The following KIF5A variants were observed in gnomAD, a reference collection of about 807,000 sequenced individuals.
KIF5A encodes kinesin heavy chain isoform 5A.
Under a neutral mutation model 141.3 loss-of-function variants are expected in KIF5A, and 35 were observed. That is an observed-to-expected ratio of 0.25 (90% CI 0.19 to 0.33). The LOEUF (loss-of-function observed/expected upper bound fraction) is 0.33, where lower values mean the gene tolerates loss of function less well. Ranked by LOEUF, KIF5A falls within the 10% of genes least tolerant of loss-of-function variation. The pLI is 1.00. For synonymous variants in KIF5A, 448 were observed against 500.2 expected, an observed-to-expected ratio of 0.90 and a Z score of 1.39; for missense variants, 861 against 1,314.3, an observed-to-expected ratio of 0.66 and a Z score of 5.33.
chr12:57,561,136 C>T (rs1447532963), intron 1 of KIF5A, among the ~76,000 whole-genome samples: 1 of 152,096 alleles, frequency 6.6e-6, no homozygotes, highest in East Asian at 1.9e-4. Context: ...GCCTTTTGAG[C>T]TCAGGTAATT....
intron 8 of KIF5A, among the ~76,000 whole-genome samples, chr12:57,568,586 G>C (rs1023609461): frequency 3.3e-5 from 5 of 152,104 alleles, no homozygotes; most frequent in Non-Finnish European, 5.9e-5. Flanking sequence ...TTAGCTGGGC[G>C]TGGTGGCACA....
chr12:57,568,211 T>C (rs972119044), intron 8 of KIF5A, among the ~76,000 whole-genome samples: 1 of 152,124 alleles, frequency 6.6e-6, no homozygotes, highest in Non-Finnish European at 1.5e-5. Flanking sequence ...ATGATTTGCA[T>C]TGGGATATAA....
rs186999261 is a variant in KIF5A at position 57,574,507 on chromosome 12, C to T, written c.1717-577C>T. 1.1e-3 allele frequency among the ~76,000 whole-genome samples: 173 copies of T among 151,386 alleles called. 1 individual carries two copies. The highest frequency in any genetic ancestry group is 4.1e-3 in the African/African-American group (168 of 41,246). On this transcript the variant is annotated intron_variant, in intron 15 of 28. Coordinates refer to ENST00000455537, the MANE Select transcript of KIF5A (RefSeq NM_004984.4). ...CAGGCTGGTCTCGAACTCCTGACCTCGTAGTCCACCCACCTCGGCCTCCCA... is the reference window on the plus strand; with the variant it reads ...CAGGCTGGTCTCGAACTCCTGACCTTGTAGTCCACCCACCTCGGCCTCCCA...
At chr12:57,578,371 AT>A (rs1882494501) in intron 23 of KIF5A, 29 bp downstream of exon 23, 1 of 1,505,496 alleles carries the variant, frequency 6.6e-7, no homozygotes, top group African/African-American at 1.4e-5. Flanking sequence ...AGTGAAGAGA[AT>A]TTTTGAGGCC....
Position 57,567,275 on chromosome 12 carries a change from G to A in KIF5A, c.589+62G>A, listed in dbSNP as rs1475288674. On this transcript the variant is annotated intron_variant, in intron 7 of 28. Coordinates refer to ENST00000455537, the MANE Select transcript of KIF5A (RefSeq NM_004984.4). ...GATCCACTTGTGTTCTGTGTCCTCT[G>A]GGGTGGAGGGACTCAAAAGTGAGCA... 9 of 1,408,202 alleles carry A rather than the reference G, an allele frequency of 6.4e-6. No individual in the cohort carries two copies. The East Asian group carries it at 1.6e-4, about 25-fold the overall frequency. The allele number at this position is 1,408,202 out of a possible 1,614,324, so 87.2% of individuals were successfully genotyped here. A position where few individuals can be genotyped will look rare whatever the true frequency, so the allele number is the denominator to read the frequency against.
At position 57,572,052 on chromosome 12, in the gene KIF5A, C is replaced by T; in HGVS notation, c.1363-9C>T. 6.2e-7 allele frequency: 1 copy of T among 1,611,874 alleles called. No individual in the cohort carries two copies. Among genetic ancestry groups the T allele is most frequent in the South Asian group, 1.1e-5 (1 of 90,858 alleles). On this transcript the variant is annotated splice_polypyrimidine_tract_variant and intron_variant, in intron 13 of 28. Coordinates refer to ENST00000455537, the MANE Select transcript of KIF5A (RefSeq NM_004984.4). The surrounding 1 kb of genome is among the most constrained non-coding windows in gnomAD (Gnocchi z 4.2). The stretch of plus-strand genomic sequence containing the variant: ...GATCTTTCCCACATGCCACTCCTCT[C>T]CCTTGAAGCTGCTGGTGTCCACCCG...
At chr12:57,569,849 C>A in intron 11 of KIF5A, 138 bp from the exon 12 acceptor site, 1 of 1,358,156 alleles carries the variant, frequency 7.4e-7, no homozygotes. Context: ...AGGGGCCTGA[C>A]TACCTACCTC....
rs1251461982 is a variant in KIF5A at position 57,569,468 on chromosome 12, C to G, written c.968+64C>G. On this transcript the variant is annotated intron_variant, in intron 10 of 28. Coordinates refer to ENST00000455537, the MANE Select transcript of KIF5A (RefSeq NM_004984.4). ...GCTTCCCATCCCAGCCTCTGCGGCT[C>G]TCTCTCCTCAGGGTCACCCAAGTCT... 9 of 1,613,460 alleles carry G rather than the reference C, an allele frequency of 5.6e-6. No homozygotes were observed. The African/African-American group carries it at 8.0e-5, about 14-fold the overall frequency.
intron 1 of KIF5A, among the ~76,000 whole-genome samples, chr12:57,551,573 G>A (rs909852720): frequency 4.6e-5 from 7 of 152,292 alleles, no homozygotes; most frequent in Non-Finnish European, 7.4e-5. Context: ...GGGCTTGAGG[G>A]GTGCTGGGCC....
intron 18 of KIF5A, 23 bp downstream of exon 18, chr12:57,576,174 A>C: frequency 6.2e-7 from 1 of 1,612,484 alleles, no homozygotes; most frequent in African/African-American, 1.3e-5. Context: ...GGTGTCAGGG[A>C]CAATTGGGGC....
chr12:57,564,171 C>T lies in KIF5A; in HGVS notation c.355C>T (p.His119Tyr), dbSNP rs1332933023. 1 of 1,613,912 alleles carries T rather than the reference C, an allele frequency of 6.2e-7. No individual in the cohort carries two copies. Among genetic ancestry groups the T allele is most frequent in the Non-Finnish European group, 8.5e-7 (1 of 1,179,790 alleles). ...TCGAATTGCCCGAGACATCTTCAAC[C>T]ACATCTACTCCATGGATGAGAACCT... ...IPRIARDIFN[H>Y]IYSMDENLEF... is the part of the protein sequence containing the mutation. The change falls in exon 4 of 29, where the codon CAC becomes TAC. Residue 119 changes from histidine to tyrosine, a missense_variant. By Grantham distance (83) the His-to-Tyr change is moderately conservative. Transcript: ENST00000455537.
intron 1 of KIF5A, among the ~76,000 whole-genome samples, chr12:57,552,037 C>T (rs1418481506): frequency 1.3e-5 from 2 of 152,196 alleles, no homozygotes; most frequent in Non-Finnish European, 2.9e-5. Context: ...CACAAAACAA[C>T]TCCTGGATCA....
chr12:57,554,866 G>T (rs1371770309), intron 1 of KIF5A, among the ~76,000 whole-genome samples: 9 of 152,160 alleles, frequency 5.9e-5, no homozygotes, highest in Non-Finnish European at 8.8e-5. Flanking sequence ...TCATTACCAT[G>T]GGGAAGGCAC....
chr12:57,571,174 G>A (rs922385449), intron 12 of KIF5A, 147 bp from the exon 13 acceptor site: 62 of 676,484 alleles, frequency 9.2e-5, no homozygotes, highest in Admixed American at 2.9e-4. Context: ...GGCTTCAACC[G>A]ATCTTCCTGT....
At chr12:57,582,710 G>A in intron 27 of KIF5A, 81 bp downstream of exon 27, 1 of 1,165,976 alleles carries the variant, frequency 8.6e-7, no homozygotes, top group Non-Finnish European at 1.3e-6. Flanking sequence ...CCCACTTGGA[G>A]GTTCCTGGAG....
intron 11 of KIF5A, 150 bp from the exon 12 acceptor site, chr12:57,569,837 G>A: frequency 7.2e-7 from 1 of 1,384,700 alleles, no homozygotes; most frequent in Non-Finnish European, 9.8e-7. Context: ...ATGGGGGAAG[G>A]GAGGGGCCTG....
chr12:57,581,099 G>T lies in KIF5A; in HGVS notation c.2682G>T (p.Gln894His). The T allele has an allele frequency of 6.2e-7, 1 of 1,614,180 alleles. No individual in the cohort carries two copies. Among genetic ancestry groups the T allele is most frequent in the Non-Finnish European group, 8.5e-7 (1 of 1,180,026 alleles). Reference sequence around the variant, plus strand: ...CCATGAAGGACAAGCGCCGGTACCAGCAGGAGGTGGACCGCATCAAGGAGG... The same window carrying T: ...CCATGAAGGACAAGCGCCGGTACCATCAGGAGGTGGACCGCATCAAGGAGG... ...EGAMKDKRRY[Q>H]QEVDRIKEAV... The change falls in exon 24 of 29, where the codon CAG becomes CAT. Residue 894 changes from glutamine to histidine, a missense_variant. Around this residue, in one of 5 missense-constraint regions of KIF5A, gnomAD observed 482 missense variants for 661.3 expected, o/e 0.73. Transcript: ENST00000455537.
intron 1 of KIF5A, among the ~76,000 whole-genome samples, chr12:57,560,430 A>T (rs1265572234): frequency 1.3e-5 from 2 of 152,274 alleles, no homozygotes; most frequent in East Asian, 3.9e-4. Flanking sequence ...AAGGCTTTTG[A>T]TTATGCATTT....
At chr12:57,551,501 C>G (rs1453389183) in intron 1 of KIF5A, among the ~76,000 whole-genome samples, 1 of 152,190 alleles carries the variant, frequency 6.6e-6, no homozygotes, top group Non-Finnish European at 1.5e-5. Context: ...CCCACTCCCC[C>G]TGAGGTTGGT....
Sources: allele counts gnomAD v4.1 joint callset (sites outside exome capture counted in the v4.1 genomes callset), GRCh38; gene constraint gnomAD v4.1.1; regional missense constraint gnomAD v4.1.1; non-coding constraint Gnocchi (gnomAD v3.1); transcripts MANE v1.5; gene names NCBI Gene and HGNC (gene_info 2026-07-23, HGNC 2026-07-21).